TGFBRAP1: variants seen among roughly 807,000 people sequenced by gnomAD.
TGFBRAP1 encodes transforming growth factor-beta receptor-associated protein 1.
TGFBRAP1 carries 20 observed loss-of-function variants against 83.2 expected under a neutral mutation model. The ratio of observed to expected loss-of-function variants is 0.24; its 90% CI spans 0.17 to 0.35. The LOEUF is 0.35. Among genes scored for constraint, TGFBRAP1 ranks in the 10% least tolerant of loss-of-function variants. TGFBRAP1 has a pLI of 1.00. For synonymous variants in TGFBRAP1, 415 were observed against 459.8 expected (o/e 0.90, Z 1.25); for missense variants, 950 against 1,099.4 (o/e 0.86, Z 1.92).
chr2:105,257,663 T>C, the TGFBRAP1 span, among the ~76,000 whole-genome samples: 3 of 152,360 alleles, frequency 2.0e-5, no homozygotes, highest in Middle Eastern at 3.4e-3. Flanking sequence ...TACAAAAGTG[T>C]TATGTGCATA....
chr2:105,295,608 C>T (rs1484842075), intron 4 of TGFBRAP1, among the ~76,000 whole-genome samples: 3 of 152,010 alleles, frequency 2.0e-5, no homozygotes, highest in South Asian at 2.1e-4. Flanking sequence ...GTCAAGGGAT[C>T]GAGACCATCC....
At chr2:105,256,443 G>A in the TGFBRAP1 span, among the ~76,000 whole-genome samples, 1 of 152,098 alleles carries the variant, frequency 6.6e-6, no homozygotes, top group Non-Finnish European at 1.5e-5. Context: ...TGGGCTTCTG[G>A]CTTACCCGCA....
rs557905739 is a variant in TGFBRAP1, at chr2:105,266,404, C to G, written c.*979G>C. 2.0e-5 allele frequency: 3 copies of G among 152,366 alleles called. No homozygotes were observed. In the East Asian group the frequency reaches 5.8e-4, roughly 29 times the overall value. 9.4% of individuals were successfully genotyped at this position (152,366 alleles called of 1,614,324 possible). A position where few individuals can be genotyped will look rare whatever the true frequency, so the allele number is the denominator to read the frequency against. ...CCCTTTGAATTTCCCGAGTATTCAACAGGAGATACATTTTAACAAGAAAAA... is the reference window on the plus strand; with the variant it reads ...CCCTTTGAATTTCCCGAGTATTCAAGAGGAGATACATTTTAACAAGAAAAA... On this transcript the variant is annotated 3_prime_UTR_variant, in exon 12 of 12. Coordinates refer to ENST00000393359, the MANE Select transcript of TGFBRAP1 (RefSeq NM_004257.6).
chr2:105,258,193 C>T, the TGFBRAP1 span, among the ~76,000 whole-genome samples: 7 of 152,192 alleles, frequency 4.6e-5, no homozygotes, highest in East Asian at 1.3e-3. Flanking sequence ...AGGCCACTCG[C>T]CAGCTCATCA....
At chr2:105,274,146 A>G (rs1056627667) in intron 8 of TGFBRAP1, among the ~76,000 whole-genome samples, 5 of 152,232 alleles carry the variant, frequency 3.3e-5, no homozygotes, top group African/African-American at 1.2e-4. Context: ...TTCTCTGAAC[A>G]TGGATTATCT....
chr2:105,275,731 A>G, intron 7 of TGFBRAP1, 28 bp from the exon 8 acceptor site: 1 of 1,587,436 alleles, frequency 6.3e-7, no homozygotes, highest in Non-Finnish European at 8.5e-7. Context: ...AGAAAAAAAG[A>G]AAAAGAAAAG....
At chr2:105,253,403 G>A in the TGFBRAP1 span, among the ~76,000 whole-genome samples, 1 of 152,146 alleles carries the variant, frequency 6.6e-6, no homozygotes, top group Non-Finnish European at 1.5e-5. Context: ...AAAGTGCTGG[G>A]ATTACAGGTG....
chr2:105,324,002 C>T (rs539824354), intron 1 of TGFBRAP1, among the ~76,000 whole-genome samples: 3 of 151,514 alleles, frequency 2.0e-5, no homozygotes, highest in Non-Finnish European at 4.4e-5. Flanking sequence ...GTTAAGGTCA[C>T]GAAAAAAGAG....
rs558049412 is a variant in TGFBRAP1, at chr2:105,272,903, G to A, written c.1924C>T (p.Arg642Trp). ...AAATCAGATTTCTGGAGCAGCCGCC[G>A]CAGCTTGGCCTGCGTCTCGGTGGCC... ...AEATETQAKL[R>W]RLLQKSDLYR... Residue 642 changes from arginine to tryptophan, a missense_variant, in exon 10 of 12, where the codon CGG becomes TGG. Coordinates refer to ENST00000393359, the MANE Select transcript of TGFBRAP1 (RefSeq NM_004257.6). 1.1e-5 allele frequency: 18 copies of A among 1,610,120 alleles called. No homozygotes were observed. Among genetic ancestry groups the A allele is most frequent in the Admixed American group, 1.7e-5 (1 of 59,932 alleles).
chr2:105,327,551 G>C (rs1038462445), intron 1 of TGFBRAP1, among the ~76,000 whole-genome samples: 2 of 152,242 alleles, frequency 1.3e-5, no homozygotes, highest in South Asian at 2.1e-4. Flanking sequence ...CTGGGTGACA[G>C]AGCAAGACCC....
chr2:105,253,663 C>T, the TGFBRAP1 span, among the ~76,000 whole-genome samples: 2 of 151,928 alleles, frequency 1.3e-5, no homozygotes, highest in African/African-American at 2.4e-5. Flanking sequence ...TGGAACTCCT[C>T]GGCTCAAGCA....
chr2:105,269,837 C>T lies in TGFBRAP1; in HGVS notation c.1973-132G>A, dbSNP rs769945483. 1.6e-4 allele frequency: 161 copies of T among 977,246 alleles called. No individual in the cohort carries two copies. Among genetic ancestry groups the T allele is most frequent in the Non-Finnish European group, 2.2e-4 (154 of 694,706 alleles). 60.5% of individuals were successfully genotyped at this position (977,246 alleles called of 1,614,324 possible). A position where few individuals can be genotyped will look rare whatever the true frequency, so the allele number is the denominator to read the frequency against. On this transcript the variant is annotated intron_variant, in intron 10 of 11. Coordinates refer to ENST00000393359, the MANE Select transcript of TGFBRAP1 (RefSeq NM_004257.6). This position sits in a 1 kb window ranked among gnomAD's most constrained non-coding sequence, Gnocchi z 4.1. ...GCTCCCTCACAATGCCAAATGCTGC[C>T]ACCCAGATGACTGAGGGTAGGTTTT...
In TGFBRAP1 at chr2:105,280,500, C is replaced by T. The variant is rs1398416072; in HGVS notation, c.1345G>A (p.Asp449Asn). 6.2e-7 allele frequency: 1 copy of T among 1,614,148 alleles called. No homozygotes were observed. Among genetic ancestry groups the T allele is most frequent in the South Asian group, 1.1e-5 (1 of 91,082 alleles). The change falls in exon 6 of 12, where the codon GAC (aspartate) becomes AAC (asparagine). Residue 449 changes from aspartate to asparagine, a missense_variant. Physicochemically the swap from Asp to Asn is conservative, Grantham distance 23. Coordinates refer to ENST00000393359, the MANE Select transcript of TGFBRAP1 (RefSeq NM_004257.6). ...GCATACAGTTTGAGCAAGGCTGTGT[C>T]GATGTCCTCCTTGTAGCCATTTGCT... ...EVANGYKEDI[D>N]TALLKLYAEA...
chr2:105,307,913 C>G lies in TGFBRAP1; in HGVS notation c.389G>C (p.Ser130Thr). The G allele has an allele frequency of 6.2e-7, 1 of 1,614,248 alleles. No individual in the cohort carries two copies. Among genetic ancestry groups the G allele is most frequent in the South Asian group, 1.1e-5 (1 of 91,090 alleles). ...ATFALNENPV[S>T]GDPFCVEVCI... ...AACTTCTACACAGAAGGGGTCCCCA[C>G]TCACAGGGTTCTCGTTCAGTGCAAA... Residue 130 changes from serine (S) to threonine (T), a missense_variant, in exon 2 of 12, where the codon AGT becomes ACT. Ser to Thr is a moderately conservative substitution (Grantham distance 58). Transcript: ENST00000393359.
intron 1 of TGFBRAP1, among the ~76,000 whole-genome samples, chr2:105,321,846 C>G (rs139919665): frequency 1.1e-4 from 17 of 152,356 alleles, no homozygotes; most frequent in African/African-American, 3.6e-4. Context: ...CTAGCACATT[C>G]AATTACATAC....
At chr2:105,293,940 T>C (rs995379727) in intron 4 of TGFBRAP1, among the ~76,000 whole-genome samples, 1 of 152,216 alleles carries the variant, frequency 6.6e-6, no homozygotes, top group African/African-American at 2.4e-5. Context: ...AAGAAGTCTT[T>C]AGCTCTGCCC....
intron 2 of TGFBRAP1, among the ~76,000 whole-genome samples, chr2:105,302,394 A>C (rs75831903): frequency 0.091 from 13,900 of 152,232 alleles, 799 homozygotes; most frequent in Non-Finnish European, 0.13. Flanking sequence ...AGTCCCCAGG[A>C]ATAGCTAAAG....
the TGFBRAP1 span, among the ~76,000 whole-genome samples, chr2:105,252,007 G>C: frequency 6.7e-6 from 1 of 149,432 alleles, no homozygotes; most frequent in Non-Finnish European, 1.5e-5. Flanking sequence ...CAAACACTGC[G>C]GAAGGCCGCA....
intron 4 of TGFBRAP1, among the ~76,000 whole-genome samples, chr2:105,290,595 G>A (rs76362046): frequency 1.3e-5 from 2 of 149,964 alleles, no homozygotes; most frequent in Non-Finnish European, 3.0e-5. Flanking sequence ...GAAAGAGAGA[G>A]AAAGAGAGAA....
Sources: gnomAD v4.1 joint callset for allele counts (sites outside exome capture counted in the v4.1 genomes callset) on GRCh38, gnomAD v4.1.1 for gene constraint, Gnocchi (gnomAD v3.1) non-coding constraint, MANE v1.5 for transcripts, NCBI Gene and HGNC (gene_info 2026-07-23, HGNC 2026-07-21) for gene names.